The following PCDHGA1 variants were observed in gnomAD, a reference collection of about 807,000 sequenced individuals.
The protein encoded by PCDHGA1 is protocadherin gamma subfamily A, 1.
PCDHGA1 carries 32 observed loss-of-function variants against 58.0 expected under a neutral mutation model. The ratio of observed to expected loss-of-function variants is 0.55; its 90% CI spans 0.42 to 0.74. PCDHGA1 has a LOEUF of 0.74. Ranked by LOEUF, PCDHGA1 falls within the 30% of genes least tolerant of loss-of-function variation. The pLI is 0.00. For synonymous variants in PCDHGA1, 498 were observed against 501.1 expected (o/e 0.99, Z 0.08); for missense variants, 1,205 against 1,182.3 (o/e 1.02, Z -0.28).
chr5:141,459,617 A>G (rs900986636), intron 1 of PCDHGA1, among the ~76,000 whole-genome samples: 2 of 152,258 alleles, frequency 1.3e-5, no homozygotes, highest in African/African-American at 2.4e-5. Flanking sequence ...GCTTAACTTT[A>G]TAAGAAGCTG....
chr5:141,421,078 C>T (rs11575964), intron 1 of PCDHGA1: 20,754 of 627,892 alleles, frequency 0.033, 387 homozygotes, highest in Middle Eastern at 0.088. Context: ...GAGATGGATA[C>T]TCACAGATCC....
chr5:141,475,721 G>A (rs867365261), intron 1 of PCDHGA1, among the ~76,000 whole-genome samples: 1 of 152,248 alleles, frequency 6.6e-6, no homozygotes. Context: ...ACAGCCCCAA[G>A]GCTGGCTTTC....
intron 1 of PCDHGA1, chr5:141,427,440 G>C (rs747459662): frequency 4.2e-6 from 2 of 477,366 alleles, no homozygotes; most frequent in African/African-American, 2.0e-5. Flanking sequence ...CCTCATAAAC[G>C]AAAGAGTTCC....
chr5:141,449,756 T>C (rs2098654563), intron 1 of PCDHGA1, among the ~76,000 whole-genome samples: 1 of 151,728 alleles, frequency 6.6e-6, no homozygotes, highest in South Asian at 2.1e-4. Flanking sequence ...TTTATGACAT[T>C]TGAGAGTAAG....
Position 141,331,606 on chromosome 5 carries a change from G to A in PCDHGA1, c.922G>A (p.Asp308Asn). The A allele has an allele frequency of 6.2e-7, 1 of 1,614,084 alleles. No homozygotes were observed. The highest frequency in any genetic ancestry group is 8.5e-7 in the Non-Finnish European group (1 of 1,180,022). Residue 308 changes from aspartate to asparagine, a missense_variant, in exon 1 of 4, where the codon GAT (aspartate) becomes AAT (asparagine). By Grantham distance (23) the Asp-to-Asn change is conservative. Coordinates refer to ENST00000517417, the MANE Select transcript of PCDHGA1 (RefSeq NM_018912.3). Reference protein sequence around the residue: ...TGEISNKEPLDFEEYKMYSME... With the variant: ...TGEISNKEPLNFEEYKMYSME... Reference sequence around the variant, plus strand: ...AGAAATATCAAATAAAGAACCACTAGATTTCGAAGAATACAAAATGTATTC... The same window carrying A: ...AGAAATATCAAATAAAGAACCACTAAATTTCGAAGAATACAAAATGTATTC...
In PCDHGA1 at chr5:141,453,101, TTTTTG is replaced by T. The variant is rs879618609; in HGVS notation, c.2422-41681_2422-41677del. ...GTTGATTAGTATATTTTCTGTTGCT[TTTTTG>T]TTTTGTTTTGTTTTGTTTTGTTTTT... On this transcript the variant is annotated intron_variant, in intron 1 of 3. Transcript: ENST00000517417. 4.4e-4 allele frequency among the ~76,000 whole-genome samples: 67 copies of T among 152,130 alleles called. 1 individual carries two copies. Among genetic ancestry groups the T allele is most frequent in the African/African-American group, 1.4e-3 (58 of 41,484 alleles).
At chr5:141,333,541 C>A (rs748903404) in intron 1 of PCDHGA1, 1 of 231,012 alleles carries the variant, frequency 4.3e-6, no homozygotes, top group Non-Finnish European at 8.3e-6. Context: ...TAGATGTCAT[C>A]TGTCAGGACA....
chr5:141,331,473 G>A lies in PCDHGA1; in HGVS notation c.789G>A (p.Met263Ile), dbSNP rs760787772. The change falls in exon 1 of 4, where the codon ATG becomes ATA. Residue 263 changes from methionine to isoleucine, a missense_variant. Transcript: ENST00000517417. The part of the protein sequence containing the change: ...ENVPLGTQLL[M>I]VNATDPDEGA... Reference sequence around the variant, plus strand: ...TGCCGCTGGGTACTCAGCTGCTCATGGTAAATGCCACTGACCCTGATGAGG... The same window carrying A: ...TGCCGCTGGGTACTCAGCTGCTCATAGTAAATGCCACTGACCCTGATGAGG... 2 of 1,614,128 alleles carry A rather than the reference G, an allele frequency of 1.2e-6. No individual in the cohort carries two copies. The highest frequency in any genetic ancestry group is 1.1e-5 in the South Asian group (1 of 91,080).
chr5:141,354,765 A>G (rs1166767748), intron 1 of PCDHGA1, among the ~76,000 whole-genome samples: 1 of 152,230 alleles, frequency 6.6e-6, no homozygotes, highest in East Asian at 1.9e-4. Context: ...ACATCTTAGG[A>G]AAAAAATCGT....
At chr5:141,473,809 A>C (rs1230574978) in intron 1 of PCDHGA1, among the ~76,000 whole-genome samples, 2 of 152,242 alleles carry the variant, frequency 1.3e-5, no homozygotes, top group East Asian at 3.8e-4. Flanking sequence ...ACTGAGGAGC[A>C]GCTGGACAAT....
rs147783721 is a variant in PCDHGA1 at position 141,404,989 on chromosome 5, G to T, written c.2421+71884G>T. ...TCCTGGCTGACCTGGGCAGTCTTCAGATCCCTGCAGACCTGGAGGCCTCAG... is the reference window on the plus strand; with the variant it reads ...TCCTGGCTGACCTGGGCAGTCTTCATATCCCTGCAGACCTGGAGGCCTCAG... On this transcript the variant is annotated intron_variant, in intron 1 of 3. Transcript: ENST00000517417. 1.6e-5 allele frequency: 26 copies of T among 1,614,046 alleles called. No individual in the cohort carries two copies. In the Admixed American group the frequency reaches 4.0e-4, roughly 25 times the overall value.
At position 141,356,229 on chromosome 5, in the gene PCDHGA1, C is replaced by T. The variant is rs371768602; in HGVS notation, c.2421+23124C>T. 114 of 1,593,544 alleles carry T rather than the reference C, an allele frequency of 7.2e-5. No individual in the cohort carries two copies. The African/African-American group carries it at 8.8e-4, about 12-fold the overall frequency. ...TGACAGTTCTGGATGAAAATGACAA[C>T]GCACCAGAAGTCACAGTTACATCTC... On this transcript the variant is annotated intron_variant, in intron 1 of 3. Transcript: ENST00000517417.
chr5:141,331,834 T>G lies in PCDHGA1; in HGVS notation c.1150T>G (p.Cys384Gly), dbSNP rs985336184. 6.2e-7 allele frequency: 1 copy of G among 1,614,188 alleles called. No individual in the cohort carries two copies. Among genetic ancestry groups the G allele is most frequent in the Admixed American group, 1.7e-5 (1 of 60,028 alleles). ...CTCAGGAGACAATGGCTACACCACA[T>G]GTTTCATTCCTGGAAATTTACCCTT... ...QDSGDNGYTT[C>G]FIPGNLPFKL... Residue 384 changes from cysteine (C) to glycine (G), a missense_variant, in exon 1 of 4, where the codon TGT (cysteine) becomes GGT (glycine). Physicochemically the swap from Cys to Gly is radical, Grantham distance 159. Coordinates refer to ENST00000517417, the MANE Select transcript of PCDHGA1 (RefSeq NM_018912.3).
chr5:141,429,879 A>T (rs2097250861), intron 1 of PCDHGA1, among the ~76,000 whole-genome samples: 1 of 152,210 alleles, frequency 6.6e-6, no homozygotes, highest in African/African-American at 2.4e-5. Context: ...TCTTTTACTA[A>T]GTTTCCTGAA....
intron 1 of PCDHGA1, chr5:141,418,096 G>A (rs772001018): frequency 6.2e-7 from 1 of 1,614,078 alleles, no homozygotes; most frequent in East Asian, 2.2e-5. Context: ...GCGTAGACGC[G>A]CAGAGCGGGG....
At position 141,420,340 on chromosome 5, in the gene PCDHGA1, G is replaced by A. The variant is rs1405507680; in HGVS notation, c.2422-74467G>A. ...ATATGCCAATATATTCCAATATAGT[G>A]GTATTATTTTAAGATTCTAGATAAC... On this transcript the variant is annotated intron_variant, in intron 1 of 3. Transcript: ENST00000517417. The A allele has an allele frequency of 2.9e-6, 4 of 1,387,388 alleles. No homozygotes were observed. In the African/African-American group the frequency reaches 4.4e-5, roughly 15 times the overall value. 85.9% of individuals were successfully genotyped at this position (1,387,388 alleles called of 1,614,324 possible). A position where few individuals can be genotyped will look rare whatever the true frequency, so the allele number is the denominator to read the frequency against.
At chr5:141,361,031 G>A (rs756552774) in intron 1 of PCDHGA1, 27 of 1,613,172 alleles carry the variant, frequency 1.7e-5, no homozygotes, top group Non-Finnish European at 2.1e-5. Context: ...GAAAAAACAG[G>A]AGAAATCACG....
Position 141,437,685 on chromosome 5 carries a change from G to A in PCDHGA1, c.2422-57122G>A, listed in dbSNP as rs116699614. ...GAAGAGATGTTGATCAAACTGATGA[G>A]GCTAAATCTCAAGAAAGAGACACAG... On this transcript the variant is annotated intron_variant, in intron 1 of 3. Coordinates refer to ENST00000517417, the MANE Select transcript of PCDHGA1 (RefSeq NM_018912.3). Among the ~76,000 whole-genome samples the A allele has an allele frequency of 1.0e-2, 1,519 of 151,976 alleles. 34 individuals carry two copies. The highest frequency in any genetic ancestry group is 0.034 in the African/African-American group (1,425 of 41,440).
chr5:141,419,851 C>T, intron 1 of PCDHGA1: 1 of 1,614,062 alleles, frequency 6.2e-7, no homozygotes, highest in Non-Finnish European at 8.5e-7. Context: ...ACCTGGTGTT[C>T]GCAGATAGCT....
Sources: allele counts gnomAD v4.1 joint callset (sites outside exome capture counted in the v4.1 genomes callset), GRCh38; gene constraint gnomAD v4.1.1; transcripts MANE v1.5; gene names NCBI Gene and HGNC (gene_info 2026-07-23, HGNC 2026-07-21).